The following GABRB1 variants were observed in gnomAD, a reference collection of about 807,000 sequenced individuals.
GABRB1 encodes gamma-aminobutyric acid type A receptor subunit beta1.
Under a neutral mutation model 51.6 loss-of-function variants are expected in GABRB1, and 17 were observed. The ratio of observed to expected loss-of-function variants is 0.33; its 90% CI spans 0.23 to 0.49. The LOEUF (loss-of-function observed/expected upper bound fraction) is 0.49. Ranked by LOEUF, GABRB1 falls within the 20% of genes least tolerant of loss-of-function variation. The pLI is 0.99. For missense variants in GABRB1, 410 were observed against 600.6 expected (o/e 0.68, Z 3.32); for synonymous variants, 247 against 218.9 (o/e 1.13, Z -1.14).
chr4:47,192,034 A>C (rs114177927), intron 4 of GABRB1, among the ~76,000 whole-genome samples: 1 of 152,122 alleles, frequency 6.6e-6, no homozygotes, highest in African/African-American at 2.4e-5. Context: ...ACAATTACCA[A>C]GCTATAATTC....
chr4:47,361,913 A>C (rs758954242), intron 5 of GABRB1, among the ~76,000 whole-genome samples: 1 of 152,140 alleles, frequency 6.6e-6, no homozygotes, highest in Non-Finnish European at 1.5e-5. Flanking sequence ...TCAGAGGAGA[A>C]ATCTAGGCTG....
intron 5 of GABRB1, among the ~76,000 whole-genome samples, chr4:47,352,529 C>A (rs895759800): frequency 1.3e-5 from 2 of 152,138 alleles, no homozygotes; most frequent in African/African-American, 4.8e-5. Flanking sequence ...AAAATACTGG[C>A]AAACCGAATC....
intron 8 of GABRB1, among the ~76,000 whole-genome samples, chr4:47,420,274 C>T (rs531105729): frequency 6.6e-6 from 1 of 152,080 alleles, no homozygotes; most frequent in Non-Finnish European, 1.5e-5. Context: ...ATATACCTAC[C>T]ACATAGGTCA....
At chr4:47,075,757 G>A (rs1209213896) in intron 3 of GABRB1, among the ~76,000 whole-genome samples, 2 of 152,020 alleles carry the variant, frequency 1.3e-5, no homozygotes, top group African/African-American at 2.4e-5. Context: ...AAAAACAGAG[G>A]GAAAATAAGA....
intron 5 of GABRB1, among the ~76,000 whole-genome samples, chr4:47,387,728 TG>T (rs1727849542): frequency 6.6e-6 from 1 of 152,152 alleles, no homozygotes; most frequent in Non-Finnish European, 1.5e-5. Context: ...CTCATCCACA[TG>T]GGACCAGAAA....
intron 4 of GABRB1, among the ~76,000 whole-genome samples, chr4:47,256,564 T>C (rs1722206251): frequency 6.6e-6 from 1 of 152,140 alleles, no homozygotes; most frequent in Non-Finnish European, 1.5e-5. Context: ...AGAAAAAAGG[T>C]TTAATTGGTT....
chr4:47,354,984 T>TG (rs1726504811), intron 5 of GABRB1, among the ~76,000 whole-genome samples: 1 of 86,376 alleles, frequency 1.2e-5, no homozygotes, highest in African/African-American at 4.4e-5. Context: ...TCCTTTGTTT[T>TG]TTTTTTTTTT....
intron 4 of GABRB1, among the ~76,000 whole-genome samples, chr4:47,187,216 T>C (rs1402435564): frequency 6.6e-6 from 1 of 151,872 alleles, no homozygotes; most frequent in Non-Finnish European, 1.5e-5. Flanking sequence ...GATGCTAAGA[T>C]CACACAGCTT....
At chr4:47,318,435 C>T (rs943727672) in intron 4 of GABRB1, among the ~76,000 whole-genome samples, 12 of 151,990 alleles carry the variant, frequency 7.9e-5, no homozygotes, top group African/African-American at 2.9e-4. Context: ...ACAACATCAT[C>T]ATCATCATCA....
intron 4 of GABRB1, among the ~76,000 whole-genome samples, chr4:47,255,097 A>G (rs1339915903): frequency 6.6e-6 from 1 of 152,222 alleles, no homozygotes; most frequent in Non-Finnish European, 1.5e-5. Flanking sequence ...TTCAAAGATA[A>G]TATCATGTTT....
intron 5 of GABRB1, among the ~76,000 whole-genome samples, chr4:47,385,480 G>A (rs1041928071): frequency 9.2e-5 from 14 of 152,196 alleles, no homozygotes; most frequent in South Asian, 4.1e-4. Flanking sequence ...TTTCAAGACT[G>A]TAAAAGATTT....
intron 4 of GABRB1, among the ~76,000 whole-genome samples, chr4:47,167,252 C>G (rs1206742424): frequency 6.6e-6 from 1 of 152,076 alleles, no homozygotes; most frequent in African/African-American, 2.4e-5. Flanking sequence ...TATTCTGCCT[C>G]TTCTCCAAAC....
At chr4:47,058,599 GC>G (rs1560515252) in intron 3 of GABRB1, among the ~76,000 whole-genome samples, 2 of 152,142 alleles carry the variant, frequency 1.3e-5, no homozygotes, top group Non-Finnish European at 2.9e-5. Flanking sequence ...TTTAAACCGT[GC>G]CCCCTTGGAT....
At chr4:47,346,987 A>G (rs1305865716) in intron 5 of GABRB1, among the ~76,000 whole-genome samples, 1 of 152,142 alleles carries the variant, frequency 6.6e-6, no homozygotes, top group Non-Finnish European at 1.5e-5. Flanking sequence ...TCTCATCAAA[A>G]ATAACGTTTA....
chr4:47,148,420 T>C (rs1024435490), intron 3 of GABRB1, among the ~76,000 whole-genome samples: 2 of 152,096 alleles, frequency 1.3e-5, no homozygotes, highest in African/African-American at 4.8e-5. Flanking sequence ...AGAGTCGTCA[T>C]GGACTCACAA....
chr4:47,216,873 A>G (rs553005799), intron 4 of GABRB1, among the ~76,000 whole-genome samples: 5 of 152,028 alleles, frequency 3.3e-5, no homozygotes, highest in Non-Finnish European at 5.9e-5. Flanking sequence ...ACTCTCACAC[A>G]TGTGTTTGAA....
At chr4:47,242,588 A>T (rs554572375) in intron 4 of GABRB1, among the ~76,000 whole-genome samples, 8 of 152,140 alleles carry the variant, frequency 5.3e-5, no homozygotes, top group African/African-American at 1.9e-4. Flanking sequence ...TCTAACTGGT[A>T]TGAGATGGTA....
At chr4:47,039,376 C>A (rs918167877) in intron 3 of GABRB1, among the ~76,000 whole-genome samples, 39 of 136,140 alleles carry the variant, frequency 2.9e-4, no homozygotes, top group South Asian at 2.4e-3. Flanking sequence ...AAAAAAAAAA[C>A]CAGGCAACTA....
At chr4:47,157,417 A>G (rs1240610745) in intron 3 of GABRB1, among the ~76,000 whole-genome samples, 1 of 152,164 alleles carries the variant, frequency 6.6e-6, no homozygotes, top group Non-Finnish European at 1.5e-5. Context: ...CTACCTAAAA[A>G]TAGAATCCAC....
Sources: gnomAD v4.1 joint callset for allele counts (sites outside exome capture counted in the v4.1 genomes callset) on GRCh38, gnomAD v4.1.1 for gene constraint, MANE v1.5 for transcripts, NCBI Gene and HGNC (gene_info 2026-07-23, HGNC 2026-07-21) for gene names.